Variants in KCNIP1 observed in about 807,000 individuals in gnomAD.
KCNIP1 encodes potassium voltage-gated channel interacting protein 1, also known as A-type potassium channel modulatory protein KCNIP1.
KCNIP1 carries 18 observed loss-of-function variants against 33.0 expected under a neutral mutation model. That is an observed-to-expected ratio of 0.55 (90% CI 0.38 to 0.81). The LOEUF (loss-of-function observed/expected upper bound fraction) is 0.81, where lower values mean the gene tolerates loss of function less well. Ranked by LOEUF, KCNIP1 falls within the 30% of genes least tolerant of loss-of-function variation. The pLI, the probability that KCNIP1 is intolerant of heterozygous loss-of-function variation, is 0.00. For synonymous variants in KCNIP1, 93 were observed against 98.3 expected (o/e 0.95, Z 0.32); for missense variants, 238 against 271.6 (o/e 0.88, Z 0.87).
intron 1 of KCNIP1, among the ~76,000 whole-genome samples, chr5:170,370,867 A>T (rs1315595411): frequency 6.6e-6 from 1 of 152,216 alleles, no homozygotes; most frequent in East Asian, 1.9e-4. Context: ...GGAATGAGGG[A>T]TCATGACCAG....
intron 1 of KCNIP1, among the ~76,000 whole-genome samples, chr5:170,439,158 A>T (rs1408117703): frequency 6.6e-6 from 1 of 152,186 alleles, no homozygotes; most frequent in Non-Finnish European, 1.5e-5. Flanking sequence ...GCTGGGAATA[A>T]GGGCTTCTAT....
intron 1 of KCNIP1, among the ~76,000 whole-genome samples, chr5:170,668,138 C>A (rs1377393893): frequency 6.6e-6 from 1 of 152,192 alleles, no homozygotes; most frequent in African/African-American, 2.4e-5. Flanking sequence ...CATCCCTTTT[C>A]CCTGAAGATG....
In KCNIP1 at chr5:170,561,352, G is replaced by A. The variant is rs1757028273; in HGVS notation, c.61+56719G>A. Among the ~76,000 whole-genome samples the A allele has an allele frequency of 2.6e-5, 4 of 152,200 alleles. No individual in the cohort carries two copies. The South Asian group carries it at 8.3e-4, about 32-fold the overall frequency. On this transcript the variant is annotated intron_variant, in intron 1 of 7. Coordinates refer to ENST00000328939, the MANE Select transcript of KCNIP1 (RefSeq NM_014592.4). ...CACACAGCAACCGTGACTGAAGAGT[G>A]TGCAGGGTCCAAAGAGGCTAAAGTG...
intron 1 of KCNIP1, among the ~76,000 whole-genome samples, chr5:170,370,641 C>G (rs1004106944): frequency 3.9e-5 from 6 of 152,180 alleles, no homozygotes; most frequent in African/African-American, 1.4e-4. Flanking sequence ...GATGGAAGAG[C>G]TAACAATATC....
Position 170,609,167 on chromosome 5 carries a change from C to T in KCNIP1, c.61+104534C>T, listed in dbSNP as rs575359359. 4.6e-5 allele frequency among the ~76,000 whole-genome samples: 7 copies of T among 152,278 alleles called. No homozygotes were observed. The East Asian group carries it at 1.3e-3, about 29-fold the overall frequency. On this transcript the variant is annotated intron_variant, in intron 1 of 7. Coordinates refer to ENST00000328939, the MANE Select transcript of KCNIP1 (RefSeq NM_014592.4). ...AAAACTGTCTTCCCCAGGGTGGCTT[C>T]CTAACAAATATAATGAGAAGGCGCT...
chr5:170,517,660 T>G (rs978889602), intron 1 of KCNIP1, among the ~76,000 whole-genome samples: 2 of 126,078 alleles, frequency 1.6e-5, no homozygotes, highest in Non-Finnish European at 3.5e-5. Context: ...GATGGTGGTA[T>G]GGTGGTGGTG....
rs146912760 is a variant in KCNIP1 at position 170,607,189 on chromosome 5, G to A, written c.61+102556G>A. Among the ~76,000 whole-genome samples the A allele has an allele frequency of 5.9e-5, 9 of 152,270 alleles. No individual in the cohort carries two copies. In the East Asian group the frequency reaches 1.4e-3, roughly 23 times the overall value. ...CTCTGGGATCAGCCTGCCCTGGTTC[G>A]GATCTACTTAATTGTCACTGTCACT... On this transcript the variant is annotated intron_variant, in intron 1 of 7. Transcript: ENST00000328939.
chr5:170,600,734 G>C (rs1043942316), intron 1 of KCNIP1, among the ~76,000 whole-genome samples: 1 of 152,236 alleles, frequency 6.6e-6, no homozygotes, highest in African/African-American at 2.4e-5. Context: ...CAAATGGTTA[G>C]AGCTTAAGCT....
intron 1 of KCNIP1, among the ~76,000 whole-genome samples, chr5:170,666,949 T>C (rs773455759): frequency 6.6e-6 from 1 of 152,250 alleles, no homozygotes; most frequent in Non-Finnish European, 1.5e-5. Context: ...TCCTCTTCTT[T>C]ACGAAGTAAA....
rs113260730 is a variant in KCNIP1, at chr5:170,379,951, C to CAA, written c.88+26001_88+26002dup. Among the ~76,000 whole-genome samples, 565 of 103,478 alleles carry CAA rather than the reference C, an allele frequency of 5.5e-3. 3 individuals carry two copies. The highest frequency in any genetic ancestry group is 0.018 in the African/African-American group (522 of 28,586). 67.9% of individuals were successfully genotyped at this position (103,478 alleles called of 152,430 possible). A position where few individuals can be genotyped will look rare whatever the true frequency, so the allele number is the denominator to read the frequency against. On this transcript the variant is annotated intron_variant, in intron 1 of 7. Coordinates refer to the KCNIP1 transcript ENST00000377360. ...AAGGCAACAAAGCGAGATCCCATTT[C>CAA]AAAAAAAAAAAAAAAGTAAAATATT...
chr5:170,500,748 G>A (rs1352022712), upstream of KCNIP1, among the ~76,000 whole-genome samples: 1 of 152,200 alleles, frequency 6.6e-6, no homozygotes, highest in East Asian at 1.9e-4. Context: ...GTATGTGTGT[G>A]TATTTATCTG....
At chr5:170,378,893 C>A in intron 1 of KCNIP1, 1 of 1,614,248 alleles carries the variant, frequency 6.2e-7, no homozygotes, top group Admixed American at 1.7e-5. Context: ...AGACCTGCTG[C>A]TCTTGGAATT....
At chr5:170,404,299 AT>A (rs1353665273) in intron 1 of KCNIP1, among the ~76,000 whole-genome samples, 2 of 151,980 alleles carry the variant, frequency 1.3e-5, no homozygotes, top group Non-Finnish European at 2.9e-5. Flanking sequence ...GCATTTATAA[AT>A]TTTTTTCCAA....
intron 1 of KCNIP1, chr5:170,712,764 C>A: frequency 8.1e-7 from 1 of 1,233,228 alleles, no homozygotes; most frequent in Non-Finnish European, 1.2e-6. Flanking sequence ...ACGTGGACAC[C>A]CTCAGAGCGG....
chr5:170,475,236 T>C (rs190197360), intron 1 of KCNIP1, among the ~76,000 whole-genome samples: 6 of 152,354 alleles, frequency 3.9e-5, no homozygotes, highest in African/African-American at 1.4e-4. Context: ...TCCAGCTGGC[T>C]TCACCTCTCA....
intron 1 of KCNIP1, among the ~76,000 whole-genome samples, chr5:170,609,494 A>C (rs936770761): frequency 1.3e-5 from 2 of 152,034 alleles, no homozygotes; most frequent in African/African-American, 2.4e-5. Context: ...AGACTTTTTG[A>C]TTATTTTTTG....
Position 170,633,705 on chromosome 5 carries a change from CGAGGGGGCGGGGGGGCG to C in KCNIP1, c.62-85045_62-85029del, listed in dbSNP as rs1376866073. On this transcript the variant is annotated intron_variant, in intron 1 of 7. Coordinates refer to ENST00000328939, the MANE Select transcript of KCNIP1 (RefSeq NM_014592.4). ...GGAGGGGGCGGGGCGGAGGAGGGGG[CGAGGGGGCGGGGGGGCG>C]GAGGGGGGGACGGAGGGGGGGGCGG... 1.5e-4 allele frequency among the ~76,000 whole-genome samples: 3 copies of C among 19,730 alleles called. No individual in the cohort carries two copies. The East Asian group carries it at 6.4e-3, about 42-fold the overall frequency. 12.9% of individuals were successfully genotyped at this position (19,730 alleles called of 152,430 possible). A position where few individuals can be genotyped will look rare whatever the true frequency, so the allele number is the denominator to read the frequency against.
chr5:170,432,912 A>G (rs6863834), intron 1 of KCNIP1, among the ~76,000 whole-genome samples: 110,808 of 152,140 alleles, frequency 0.73, 41,128 homozygotes, highest in African/African-American at 0.87. Flanking sequence ...AGGGATTTAC[A>G]ATGGTGTAAA....
At chr5:170,615,138 C>A (rs536982505) in intron 1 of KCNIP1, among the ~76,000 whole-genome samples, 24 of 152,320 alleles carry the variant, frequency 1.6e-4, no homozygotes, top group Non-Finnish European at 2.8e-4. Context: ...TCACTTGAAC[C>A]CGGGAGGTGG....
Sources: allele counts gnomAD v4.1 joint callset (sites outside exome capture counted in the v4.1 genomes callset), GRCh38; gene constraint gnomAD v4.1.1; transcripts MANE v1.5; gene names NCBI Gene and HGNC (gene_info 2026-07-23, HGNC 2026-07-21).